Variants in PTPRD observed in about 807,000 individuals in gnomAD.
The protein encoded by PTPRD is receptor-type tyrosine-protein phosphatase delta.
PTPRD carries 34 observed loss-of-function variants against 214.5 expected under a neutral mutation model. The observed-to-expected ratio is 0.16, with a 90% CI of 0.12 to 0.21. The LOEUF (loss-of-function observed/expected upper bound fraction) is 0.21, where lower values mean the gene tolerates loss of function less well. Ranked by LOEUF, PTPRD falls within the 10% of genes least tolerant of loss-of-function variation. The pLI is 1.00. For synonymous variants in PTPRD, 1,128 were observed against 845.7 expected, an observed-to-expected ratio of 1.33 and a Z score of -5.79; for missense variants, 2,545 against 2,398.7, an observed-to-expected ratio of 1.06 and a Z score of -1.27.
chr9:9,617,865 G>A (rs1043883880), intron 7 of PTPRD, among the ~76,000 whole-genome samples: 15 of 151,610 alleles, frequency 9.9e-5, no homozygotes, highest in Non-Finnish European at 1.9e-4. Flanking sequence ...GAGGTCAGGA[G>A]ATCGAGACCA....
In PTPRD at chr9:8,316,317, C is replaced by CTAT. The variant is rs1346631365; in HGVS notation, c.*1554_*1556dup. ...ACGAACCAAAAGCTAAAAAGAAATG[C>CTAT]TATTAAAATAGGCATCAATTATAAG... On this transcript the variant is annotated 3_prime_UTR_variant, in exon 46 of 46. Coordinates refer to ENST00000381196, the MANE Select transcript of PTPRD (RefSeq NM_002839.4). 12 of 231,016 alleles carry CTAT rather than the reference C, an allele frequency of 5.2e-5. No homozygotes were observed. Among genetic ancestry groups the CTAT allele is most frequent in the Non-Finnish European group, 7.7e-5 (9 of 116,502 alleles). 14.3% of individuals were successfully genotyped at this position (231,016 alleles called of 1,614,324 possible).
chr9:8,362,040 A>G (rs2078637354), intron 39 of PTPRD, among the ~76,000 whole-genome samples: 1 of 152,256 alleles, frequency 6.6e-6, no homozygotes, highest in South Asian at 2.1e-4. Flanking sequence ...CAGGCAAAGA[A>G]TTCAGCAAGA....
chr9:8,851,467 TC>T (rs1302005840), intron 11 of PTPRD, among the ~76,000 whole-genome samples: 1 of 152,160 alleles, frequency 6.6e-6, no homozygotes, highest in Non-Finnish European at 1.5e-5. Context: ...AAAAGAGAGT[TC>T]TAGCAACTAC....
chr9:10,531,804 T>C (rs928226551), intron 2 of PTPRD, among the ~76,000 whole-genome samples: 1 of 152,162 alleles, frequency 6.6e-6, no homozygotes, highest in Non-Finnish European at 1.5e-5. Flanking sequence ...TGCAATAATT[T>C]TCTGATGTAT....
In PTPRD at chr9:9,805,859, T is replaced by A. The variant is rs142925983; in HGVS notation, c.-367-39008A>T. On this transcript the variant is annotated intron_variant, in intron 5 of 45. Transcript: ENST00000381196. Reference sequence around the variant, plus strand: ...TGAGAAATAGAGCTTAGAAACAACATTAACAGACTTCTGTAAGAAGAACAG... The same window carrying A: ...TGAGAAATAGAGCTTAGAAACAACAATAACAGACTTCTGTAAGAAGAACAG... Among the ~76,000 whole-genome samples, 633 of 152,126 alleles carry A rather than the reference T, an allele frequency of 4.2e-3. 2 individuals are homozygous for A. The highest frequency in any genetic ancestry group is 0.014 in the African/African-American group (585 of 41,484).
intron 9 of PTPRD, among the ~76,000 whole-genome samples, chr9:9,325,146 T>C (rs1489518548): frequency 6.6e-6 from 1 of 152,198 alleles, no homozygotes; most frequent in Non-Finnish European, 1.5e-5. Context: ...GCTTTGTTCT[T>C]TTGGCTTAGG....
At chr9:8,678,682 A>G (rs2097487629) in intron 12 of PTPRD, among the ~76,000 whole-genome samples, 1 of 152,226 alleles carries the variant, frequency 6.6e-6, no homozygotes, top group South Asian at 2.1e-4. Flanking sequence ...AAACCTTTGT[A>G]GTATAAATGT....
chr9:9,876,107 G>C (rs2066785565), intron 5 of PTPRD, among the ~76,000 whole-genome samples: 1 of 152,094 alleles, frequency 6.6e-6, no homozygotes, highest in Non-Finnish European at 1.5e-5. Flanking sequence ...AGGCCAGTAA[G>C]AGATTGTGTT....
At chr9:10,206,519 T>G (rs1337419437) in intron 3 of PTPRD, among the ~76,000 whole-genome samples, 1 of 152,194 alleles carries the variant, frequency 6.6e-6, no homozygotes, top group East Asian at 1.9e-4. Flanking sequence ...TATCTGTTTT[T>G]GATGGTAATA....
intron 14 of PTPRD, among the ~76,000 whole-genome samples, chr9:8,632,157 G>C (rs989374598): frequency 1.3e-5 from 2 of 151,116 alleles, no homozygotes; most frequent in Non-Finnish European, 3.0e-5. Flanking sequence ...GTCTGTGTGT[G>C]TGTGTGTTTA....
At chr9:8,325,909 A>G (rs1172464820) in intron 44 of PTPRD, among the ~76,000 whole-genome samples, 1 of 152,192 alleles carries the variant, frequency 6.6e-6, no homozygotes, top group African/African-American at 2.4e-5. Context: ...TGATTTTTGC[A>G]CATTGATTTT....
At chr9:8,856,846 C>A (rs964504443) in intron 11 of PTPRD, among the ~76,000 whole-genome samples, 6 of 152,190 alleles carry the variant, frequency 3.9e-5, no homozygotes, top group African/African-American at 1.4e-4. Context: ...ACTGACTTCA[C>A]TTGCTAGTGC....
At chr9:9,990,329 A>G (rs1435911316) in intron 4 of PTPRD, among the ~76,000 whole-genome samples, 3 of 152,226 alleles carry the variant, frequency 2.0e-5, no homozygotes, top group African/African-American at 7.2e-5. Context: ...CTGAAATGTA[A>G]CTAAGTACAA....
At chr9:9,996,834 G>C (rs1192277267) in intron 4 of PTPRD, among the ~76,000 whole-genome samples, 1 of 152,046 alleles carries the variant, frequency 6.6e-6, no homozygotes, top group Admixed American at 6.6e-5. Context: ...AGAACAACAA[G>C]ACAACCTTCA....
At position 10,138,849 on chromosome 9, in the gene PTPRD, C is replaced by T. The variant is rs536282780; in HGVS notation, c.-544-105059G>A. Among the ~76,000 whole-genome samples the T allele has an allele frequency of 5.1e-3, 770 of 152,126 alleles. 1 individual carries two copies. Among genetic ancestry groups the T allele is most frequent in the Non-Finnish European group, 7.6e-3 (515 of 67,982 alleles). ...AAAAGCTTTTGATAAAATCCAACAT[C>T]GCTTCATGAAGTAACCCTCAGCAAA... On this transcript the variant is annotated intron_variant, in intron 3 of 45. Transcript: ENST00000381196.
At chr9:9,231,489 C>G (rs185838628) in intron 9 of PTPRD, among the ~76,000 whole-genome samples, 1 of 152,164 alleles carries the variant, frequency 6.6e-6, no homozygotes, top group Admixed American at 6.6e-5. Flanking sequence ...TGTGTTGATA[C>G]CCAAATTGGA....
chr9:10,525,146 A>T (rs1447431239), intron 2 of PTPRD, among the ~76,000 whole-genome samples: 1 of 152,072 alleles, frequency 6.6e-6, no homozygotes, highest in African/African-American at 2.4e-5. Flanking sequence ...ACATTTATCC[A>T]AATTATTATT....
intron 3 of PTPRD, among the ~76,000 whole-genome samples, chr9:10,131,845 G>A (rs548745657): frequency 6.6e-6 from 1 of 152,020 alleles, no homozygotes; most frequent in Non-Finnish European, 1.5e-5. Context: ...CACCTGTTTG[G>A]AGATTTTCCC....
intron 2 of PTPRD, among the ~76,000 whole-genome samples, chr9:10,536,001 G>A (rs543281770): frequency 1.2e-4 from 18 of 152,122 alleles, no homozygotes; most frequent in Non-Finnish European, 2.4e-4. Flanking sequence ...TAATAACCGT[G>A]AAGAGGGTAT....
Sources: allele counts gnomAD v4.1 joint callset (sites outside exome capture counted in the v4.1 genomes callset), GRCh38; gene constraint gnomAD v4.1.1; transcripts MANE v1.5; gene names NCBI Gene and HGNC (gene_info 2026-07-23, HGNC 2026-07-21).